The following GPR158 variants were observed in gnomAD, a reference collection of about 807,000 sequenced individuals.
GPR158 encodes the protein metabotropic glycine receptor.
In GPR158, 30 loss-of-function variants were observed where a neutral mutation model predicts 78.2. The ratio of observed to expected loss-of-function variants is 0.38; its 90% CI spans 0.29 to 0.52. The LOEUF is 0.52. Ranked by LOEUF, GPR158 falls within the 20% of genes least tolerant of loss-of-function variation. GPR158 has a pLI of 0.83. For missense variants in GPR158, 1,463 were observed against 1,523.5 expected (o/e 0.96, Z 0.66); for synonymous variants, 581 against 591.1 (o/e 0.98, Z 0.25).
At chr10:25,275,105 G>T (rs558724802) in intron 2 of GPR158, among the ~76,000 whole-genome samples, 1 of 152,222 alleles carries the variant, frequency 6.6e-6, no homozygotes, top group African/African-American at 2.4e-5. Context: ...ATCATGTGCT[G>T]GGATTTTGGT....
rs1837478983 is a variant in GPR158, at chr10:25,600,364, T to G, written c.*1090T>G. Reference sequence around the variant, plus strand: ...ATATACCGTGCATTATTATTACTATTGGAAAGGGAAGACTCTAGGGATGAC... The same window carrying G: ...ATATACCGTGCATTATTATTACTATGGGAAAGGGAAGACTCTAGGGATGAC... On this transcript the variant is annotated 3_prime_UTR_variant, in exon 11 of 11. Transcript: ENST00000376351. The G allele has an allele frequency of 6.6e-6, 1 of 152,514 alleles. No homozygotes were observed. Among genetic ancestry groups the G allele is most frequent in the South Asian group, 2.1e-4 (1 of 4,826 alleles). The allele number at this position is 152,514 out of a possible 1,614,324, so 9.4% of individuals were successfully genotyped here.
Position 25,280,421 on chromosome 10 carries a change from A to G in GPR158, c.1008+59264A>G, listed in dbSNP as rs557208189. 2.0e-5 allele frequency among the ~76,000 whole-genome samples: 3 copies of G among 152,352 alleles called. No homozygotes were observed. In the East Asian group the frequency reaches 5.8e-4, roughly 29 times the overall value. On this transcript the variant is annotated intron_variant, in intron 2 of 10. Transcript: ENST00000376351. Reference sequence around the variant, plus strand: ...AGGTTTTTTACACTAAGGAATAGATAACAATTCTAAACTTGTATGCACCTA... The same window carrying G: ...AGGTTTTTTACACTAAGGAATAGATGACAATTCTAAACTTGTATGCACCTA...
At chr10:25,424,047 T>G (rs962774702) in intron 4 of GPR158, among the ~76,000 whole-genome samples, 2 of 152,192 alleles carry the variant, frequency 1.3e-5, no homozygotes, top group African/African-American at 4.8e-5. Flanking sequence ...GCACTTGTTG[T>G]TTCCTGACTT....
intron 4 of GPR158, among the ~76,000 whole-genome samples, chr10:25,433,690 C>CTTTTTT (rs776105443): frequency 8.9e-4 from 83 of 93,230 alleles, no homozygotes; most frequent in African/African-American, 1.6e-3. Context: ...TTCTTTCTTT[C>CTTTTTT]TTTCTTTTTT....
intron 1 of GPR158, among the ~76,000 whole-genome samples, chr10:25,218,170 C>T (rs1853246701): frequency 6.6e-6 from 1 of 152,094 alleles, no homozygotes; most frequent in Non-Finnish European, 1.5e-5. Flanking sequence ...AAGTCTACAG[C>T]GCCTTCCCCA....
At chr10:25,292,258 G>A (rs1854450116) in intron 2 of GPR158, among the ~76,000 whole-genome samples, 1 of 152,016 alleles carries the variant, frequency 6.6e-6, no homozygotes, top group African/African-American at 2.4e-5. Flanking sequence ...CGTGTCCTTT[G>A]AATTCTTACG....
At chr10:25,408,928 T>G (rs1239518971) in intron 3 of GPR158, among the ~76,000 whole-genome samples, 1 of 152,194 alleles carries the variant, frequency 6.6e-6, no homozygotes, top group Admixed American at 6.5e-5. Flanking sequence ...GAGAACCTGC[T>G]TTGGACTCAA....
intron 5 of GPR158, among the ~76,000 whole-genome samples, chr10:25,535,458 C>T (rs562360518): frequency 2.0e-5 from 3 of 152,184 alleles, no homozygotes; most frequent in Admixed American, 6.5e-5. Context: ...TCCTCTAGCC[C>T]TCAGGGAGGC....
At chr10:25,588,352 T>G (rs1837297931) in intron 7 of GPR158, among the ~76,000 whole-genome samples, 1 of 152,222 alleles carries the variant, frequency 6.6e-6, no homozygotes, top group African/African-American at 2.4e-5. Context: ...TCCTCGTTCT[T>G]AGCTGCTACA....
intron 3 of GPR158, among the ~76,000 whole-genome samples, chr10:25,398,038 C>G (rs1834389699): frequency 6.6e-6 from 1 of 152,140 alleles, no homozygotes; most frequent in African/African-American, 2.4e-5. Flanking sequence ...CATGAGAAAA[C>G]AGGGACTTCG....
chr10:25,471,836 G>A (rs117411103), intron 5 of GPR158, among the ~76,000 whole-genome samples: 36,737 of 151,964 alleles, frequency 0.24, 6,123 homozygotes, highest in African/African-American at 0.47. Context: ...ACATTTGTTC[G>A]TATTCTTTGT....
At chr10:25,538,007 A>G (rs1018834218) in intron 5 of GPR158, among the ~76,000 whole-genome samples, 3 of 152,214 alleles carry the variant, frequency 2.0e-5, no homozygotes, top group Non-Finnish European at 2.9e-5. Context: ...GTGCAAGAAC[A>G]GACTAATACA....
At chr10:25,228,807 G>A (rs191089884) in intron 2 of GPR158, among the ~76,000 whole-genome samples, 94 of 152,130 alleles carry the variant, frequency 6.2e-4, no homozygotes, top group Admixed American at 1.6e-3. Context: ...CAAGGCAGAC[G>A]GATCACGAGG....
chr10:25,439,122 A>C (rs1835035171), intron 4 of GPR158, among the ~76,000 whole-genome samples: 3 of 152,202 alleles, frequency 2.0e-5, no homozygotes, highest in African/African-American at 7.2e-5. Context: ...GTCCATTTTC[A>C]TGCTGCTGAT....
At chr10:25,292,096 G>GT (rs1321506698) in intron 2 of GPR158, among the ~76,000 whole-genome samples, 1 of 150,732 alleles carries the variant, frequency 6.6e-6, no homozygotes, top group Admixed American at 6.6e-5. Flanking sequence ...ATACATACAT[G>GT]TTTACTACAT....
At chr10:25,439,282 G>A (rs534577429) in intron 4 of GPR158, among the ~76,000 whole-genome samples, 6 of 152,274 alleles carry the variant, frequency 3.9e-5, no homozygotes, top group African/African-American at 9.6e-5. Flanking sequence ...AGAAAGAAGC[G>A]AAAGTGGAAA....
At chr10:25,496,870 T>TG (rs1463465565) in intron 5 of GPR158, among the ~76,000 whole-genome samples, 2 of 152,180 alleles carry the variant, frequency 1.3e-5, no homozygotes, top group African/African-American at 4.8e-5. Context: ...GAGGAACAGT[T>TG]GTTTGATCAA....
At chr10:25,212,190 C>G (rs117363566) in intron 1 of GPR158, among the ~76,000 whole-genome samples, 8 of 152,056 alleles carry the variant, frequency 5.3e-5, no homozygotes, top group Non-Finnish European at 7.4e-5. Context: ...TAATTTATAA[C>G]GAAAAGAGGT....
At chr10:25,193,428 C>A (rs1440199180) in intron 1 of GPR158, among the ~76,000 whole-genome samples, 3 of 152,044 alleles carry the variant, frequency 2.0e-5, no homozygotes, top group Non-Finnish European at 2.9e-5. Context: ...GAGAGGAAGC[C>A]ACAAGAACAA....
Sources: gnomAD v4.1 joint callset for allele counts (sites outside exome capture counted in the v4.1 genomes callset) on GRCh38, gnomAD v4.1.1 for gene constraint, MANE v1.5 for transcripts, NCBI Gene and HGNC (gene_info 2026-07-23, HGNC 2026-07-21) for gene names.